PARP8: variants seen among roughly 807,000 people sequenced by gnomAD.
PARP8 encodes the protein protein mono-ADP-ribosyltransferase PARP8.
A neutral mutation model predicts 124.1 loss-of-function variants in PARP8; 51 were observed. The ratio of observed to expected loss-of-function variants is 0.41; its 90% CI spans 0.33 to 0.52. PARP8 has a LOEUF of 0.52. Among genes scored for constraint, PARP8 ranks in the 20% least tolerant of loss-of-function variants. PARP8 has a pLI of 0.21. For missense variants in PARP8, 860 were observed against 1,018.9 expected, an observed-to-expected ratio of 0.84 and a Z score of 2.12; for synonymous variants, 391 against 361.5, an observed-to-expected ratio of 1.08 and a Z score of -0.93.
intron 2 of PARP8, among the ~76,000 whole-genome samples, chr5:50,687,880 G>C (rs1376643768): frequency 6.6e-6 from 1 of 152,168 alleles, no homozygotes; most frequent in Non-Finnish European, 1.5e-5. Flanking sequence ...GATTTGTATA[G>C]GGACACAGCC....
intron 2 of PARP8, among the ~76,000 whole-genome samples, chr5:50,747,421 C>A (rs1209150061): frequency 6.6e-6 from 1 of 151,814 alleles, no homozygotes; most frequent in African/African-American, 2.4e-5. Context: ...CTATGAAAAT[C>A]AGTTTCAAAT....
chr5:50,785,052 T>TTAA (rs1442954744), intron 9 of PARP8, among the ~76,000 whole-genome samples: 3 of 151,750 alleles, frequency 2.0e-5, no homozygotes, highest in Non-Finnish European at 4.4e-5. Context: ...TACATTTATT[T>TTAA]TAATAATAAT....
chr5:50,798,276 A>G (rs1390758542), intron 14 of PARP8, among the ~76,000 whole-genome samples: 1 of 152,218 alleles, frequency 6.6e-6, no homozygotes, highest in Non-Finnish European at 1.5e-5. Flanking sequence ...AACCTGTTTC[A>G]ACAGTGGCTG....
intron 14 of PARP8, among the ~76,000 whole-genome samples, chr5:50,807,652 C>T (rs1744003676): frequency 1.3e-5 from 2 of 152,070 alleles, no homozygotes; most frequent in African/African-American, 4.8e-5. Flanking sequence ...TTAATCACCT[C>T]AATCGTGGAT....
At chr5:50,788,469 G>A in intron 9 of PARP8, 54 bp from the exon 10 acceptor site, 2 of 1,516,318 alleles carry the variant, frequency 1.3e-6, no homozygotes, top group Admixed American at 1.7e-5. Flanking sequence ...TCTGGCTGAT[G>A]GTTGAGTTTC....
At chr5:50,693,061 A>G (rs1249465109) in intron 2 of PARP8, among the ~76,000 whole-genome samples, 1 of 152,192 alleles carries the variant, frequency 6.6e-6, no homozygotes, top group Non-Finnish European at 1.5e-5. Flanking sequence ...AAAGTTCTTA[A>G]AATGATTACC....
intron 25 of PARP8, among the ~76,000 whole-genome samples, chr5:50,840,313 C>A (rs1398783634): frequency 1.3e-5 from 2 of 151,744 alleles, no homozygotes; most frequent in African/African-American, 2.4e-5. Context: ...AACTTGAAAA[C>A]CACTCATTTA....
At position 50,754,154 on chromosome 5, in the gene PARP8, C is replaced by CAT. The variant is rs1166380983; in HGVS notation, c.184+3967_184+3968insTA. 4.1e-3 allele frequency among the ~76,000 whole-genome samples: 170 copies of CAT among 41,458 alleles called. 2 individuals are homozygous for CAT. The highest frequency in any genetic ancestry group is 0.013 in the African/African-American group (144 of 10,904). The allele number at this position is 41,458 out of a possible 152,430, so 27.2% of individuals were successfully genotyped here. A position where few individuals can be genotyped will look rare whatever the true frequency, so the allele number is the denominator to read the frequency against. ...ATATATATATATATATATATATACACACACACACACACACACACACACACA... is the reference window on the plus strand; with the variant it reads ...ATATATATATATATATATATATACACATACACACACACACACACACACACACA... On this transcript the variant is annotated intron_variant, in intron 3 of 25. Transcript: ENST00000281631.
intron 2 of PARP8, among the ~76,000 whole-genome samples, chr5:50,732,296 G>C (rs969829684): frequency 3.9e-5 from 6 of 152,118 alleles, no homozygotes; most frequent in Non-Finnish European, 7.4e-5. Flanking sequence ...CAATATGGAA[G>C]GGAACCTTAT....
At chr5:50,797,577 C>A (rs990141163) in intron 14 of PARP8, among the ~76,000 whole-genome samples, 2 of 152,060 alleles carry the variant, frequency 1.3e-5, no homozygotes, top group Non-Finnish European at 2.9e-5. Context: ...AGGCAGTGTC[C>A]CTTCAAAACT....
chr5:50,718,050 T>C (rs1246488348), intron 2 of PARP8, among the ~76,000 whole-genome samples: 1 of 152,048 alleles, frequency 6.6e-6, no homozygotes, highest in African/African-American at 2.4e-5. Flanking sequence ...GGAAAAATTA[T>C]ACTAGGTTAT....
At chr5:50,835,152 T>G in intron 25 of PARP8, 137 bp downstream of exon 25, 1 of 659,506 alleles carries the variant, frequency 1.5e-6, no homozygotes, top group Non-Finnish European at 2.6e-6. Context: ...TGTTTTTGTT[T>G]TATTTTCAGT....
At chr5:50,698,010 C>A (rs1753211227) in intron 2 of PARP8, among the ~76,000 whole-genome samples, 1 of 152,286 alleles carries the variant, frequency 6.6e-6, no homozygotes, top group South Asian at 2.1e-4. Context: ...GTCTCTCTCT[C>A]TCCTTGTGAT....
intron 14 of PARP8, among the ~76,000 whole-genome samples, chr5:50,798,757 G>A (rs780365249): frequency 1.6e-4 from 25 of 152,122 alleles, no homozygotes; most frequent in Non-Finnish European, 1.0e-4. Context: ...GTTTCTTATT[G>A]TGGTTTTCTT....
intron 3 of PARP8, among the ~76,000 whole-genome samples, chr5:50,756,800 GT>G (rs781715070): frequency 6.6e-6 from 1 of 152,086 alleles, no homozygotes. Flanking sequence ...TTAACTGAAA[GT>G]TTGTACCCTT....
intron 9 of PARP8, among the ~76,000 whole-genome samples, chr5:50,785,285 T>C (rs956958511): frequency 3.3e-5 from 5 of 152,206 alleles, no homozygotes. Context: ...TTGGTCTTTG[T>C]ATTATTAATT....
chr5:50,671,870 G>A (rs1750061587), intron 2 of PARP8, among the ~76,000 whole-genome samples: 1 of 152,138 alleles, frequency 6.6e-6, no homozygotes, highest in Non-Finnish European at 1.5e-5. Context: ...GATGTGTGTT[G>A]CCTGCATATG....
At chr5:50,817,827 G>T (rs369529761) in intron 15 of PARP8, among the ~76,000 whole-genome samples, 1 of 152,012 alleles carries the variant, frequency 6.6e-6, no homozygotes, top group South Asian at 2.1e-4. Flanking sequence ...ACTAATGACC[G>T]AATTTTTCTC....
At chr5:50,673,402 G>T (rs1750260358) in intron 2 of PARP8, among the ~76,000 whole-genome samples, 1 of 151,996 alleles carries the variant, frequency 6.6e-6, no homozygotes, top group Non-Finnish European at 1.5e-5. Context: ...ATGGATTAAG[G>T]TGATCCTATA....
Sources: allele counts gnomAD v4.1 joint callset (sites outside exome capture counted in the v4.1 genomes callset), GRCh38; gene constraint gnomAD v4.1.1; transcripts MANE v1.5; gene names NCBI Gene and HGNC (gene_info 2026-07-23, HGNC 2026-07-21).